FAM3C: variants seen among roughly 807,000 people sequenced by gnomAD.
FAM3C encodes protein FAM3C.
A neutral mutation model predicts 32.5 loss-of-function variants in FAM3C; 15 were observed. The ratio of observed to expected loss-of-function variants is 0.46; its 90% confidence interval spans 0.31 to 0.71. The LOEUF (loss-of-function observed/expected upper bound fraction) is 0.71. FAM3C is among the 30% of genes least tolerant of loss of function. FAM3C has a pLI of 0.05. For missense variants in FAM3C, 175 were observed against 274.4 expected (o/e 0.64, Z 2.56); for synonymous variants, 75 against 86.1 (o/e 0.87, Z 0.72).
intron 1 of FAM3C, among the ~76,000 whole-genome samples, chr7:121,388,355 TC>T (rs1315863588): frequency 6.6e-6 from 1 of 151,508 alleles, no homozygotes; most frequent in Non-Finnish European, 1.5e-5. Flanking sequence ...TAGAAAAGTA[TC>T]CCAGATTTTT....
chr7:121,371,435 A>G lies in FAM3C; in HGVS notation c.149-12T>C. The G allele has an allele frequency of 6.2e-7, 1 of 1,612,694 alleles. No individual in the cohort carries two copies. The highest frequency in any genetic ancestry group is 1.1e-5 in the South Asian group (1 of 90,980). ...GGGAGGCTTTGTAGCTTTGGGGGAG[A>G]AAACATGATGTCTTTTTTTAGAAAA... On this transcript the variant is annotated splice_polypyrimidine_tract_variant and intron_variant, in intron 4 of 9. Transcript: ENST00000359943.
intron 1 of FAM3C, among the ~76,000 whole-genome samples, chr7:121,383,662 G>C (rs879871768): frequency 1.3e-5 from 2 of 152,124 alleles, no homozygotes; most frequent in African/African-American, 4.8e-5. Flanking sequence ...TGGATCAACT[G>C]TTCTTTGATA....
At chr7:121,389,683 T>C (rs1019334930) in intron 1 of FAM3C, among the ~76,000 whole-genome samples, 2 of 151,676 alleles carry the variant, frequency 1.3e-5, no homozygotes, top group Admixed American at 6.6e-5. Flanking sequence ...CAGTACAAGA[T>C]GCTATGCGGC....
chr7:121,392,539 T>C (rs1794598925), intron 1 of FAM3C, among the ~76,000 whole-genome samples: 1 of 152,050 alleles, frequency 6.6e-6, no homozygotes, highest in African/African-American at 2.4e-5. Context: ...GAGATTTGAG[T>C]GGGGACGCAG....
chr7:121,373,077 G>C (rs1052543873), intron 3 of FAM3C, among the ~76,000 whole-genome samples: 8 of 152,048 alleles, frequency 5.3e-5, no homozygotes, highest in Non-Finnish European at 8.8e-5. Flanking sequence ...CATTGAAAAA[G>C]CTTAATGCCC....
At chr7:121,394,231 A>G (rs1460587688) in intron 1 of FAM3C, among the ~76,000 whole-genome samples, 1 of 152,222 alleles carries the variant, frequency 6.6e-6, no homozygotes, top group Non-Finnish European at 1.5e-5. Context: ...AAAATATATG[A>G]GTCTTCTGAT....
At chr7:121,379,562 C>T (rs1794309440) in intron 2 of FAM3C, among the ~76,000 whole-genome samples, 3 of 152,104 alleles carry the variant, frequency 2.0e-5, no homozygotes, top group African/African-American at 7.2e-5. Flanking sequence ...CCTCTTCATA[C>T]TTAATACCTT....
At chr7:121,389,425 AC>A (rs1243670003) in intron 1 of FAM3C, among the ~76,000 whole-genome samples, 1 of 152,166 alleles carries the variant, frequency 6.6e-6, no homozygotes, top group African/African-American at 2.4e-5. Context: ...TGGCTAGGCA[AC>A]TTTTTCCTAA....
intron 1 of FAM3C, among the ~76,000 whole-genome samples, chr7:121,387,483 T>C (rs1794488452): frequency 6.6e-6 from 1 of 152,128 alleles, no homozygotes. Flanking sequence ...GCTCCACACG[T>C]GTTCATCAAA....
In FAM3C at chr7:121,349,201, A is replaced by G. The variant is rs1793647817; in HGVS notation, c.*1260T>C. The G allele has an allele frequency of 1.3e-5, 2 of 152,572 alleles. No individual in the cohort carries two copies. Among genetic ancestry groups the G allele is most frequent in the Non-Finnish European group, 1.5e-5 (1 of 68,006 alleles). The allele number at this position is 152,572 out of a possible 1,614,324, so 9.5% of individuals were successfully genotyped here. A position where few individuals can be genotyped will look rare whatever the true frequency, so the allele number is the denominator to read the frequency against. On this transcript the variant is annotated 3_prime_UTR_variant, in exon 10 of 10. Transcript: ENST00000359943. ...ACAGATACTGCTTTTAGGTTTTTTT[A>G]TACAATGCATCTAAACTTTAGGTTC...
chr7:121,392,708 A>C (rs1794601988), intron 1 of FAM3C, among the ~76,000 whole-genome samples: 1 of 152,258 alleles, frequency 6.6e-6, no homozygotes, highest in Non-Finnish European at 1.5e-5. Flanking sequence ...CAAGCCTTGT[A>C]GAGATTATGA....
chr7:121,362,809 T>C (rs1793951860), intron 7 of FAM3C, 88 bp downstream of exon 7: 1 of 735,360 alleles, frequency 1.4e-6, no homozygotes, highest in Admixed American at 2.4e-5. Context: ...GCAAATAGCA[T>C]CATCATTCTC....
At chr7:121,356,576 G>A (rs188741068) in intron 8 of FAM3C, among the ~76,000 whole-genome samples, 1 of 152,256 alleles carries the variant, frequency 6.6e-6, no homozygotes, top group African/African-American at 2.4e-5. Flanking sequence ...TTCAAATGGA[G>A]AAATGAAAGG....
In FAM3C at chr7:121,384,497, C is replaced by A. The variant is rs569939069; in HGVS notation, c.-41-1487G>T. 4.6e-5 allele frequency among the ~76,000 whole-genome samples: 7 copies of A among 152,292 alleles called. No individual in the cohort carries two copies. The South Asian group carries it at 1.5e-3, about 32-fold the overall frequency. ...TTTTCCAAAATAACTTCACTCTTAT[C>A]TGAGTGTGACCTAGGAAAATTTCTT... On this transcript the variant is annotated intron_variant, in intron 1 of 9. Coordinates refer to ENST00000359943, the MANE Select transcript of FAM3C (RefSeq NM_014888.3).
chr7:121,386,183 C>T (rs141155766), intron 1 of FAM3C, among the ~76,000 whole-genome samples: 7 of 152,086 alleles, frequency 4.6e-5, no homozygotes, highest in Admixed American at 1.3e-4. Flanking sequence ...GAAAATTAAA[C>T]GTACAAATAC....
intron 2 of FAM3C, among the ~76,000 whole-genome samples, chr7:121,381,080 C>G (rs1163005261): frequency 3.3e-5 from 5 of 152,082 alleles, no homozygotes; most frequent in Non-Finnish European, 5.9e-5. Flanking sequence ...AGATCGCCCC[C>G]AAAGCTGGCC....
At chr7:121,362,859 T>C (rs1793953071) in intron 7 of FAM3C, 38 bp downstream of exon 7, 2 of 1,197,886 alleles carry the variant, frequency 1.7e-6, no homozygotes, top group African/African-American at 1.5e-5. Context: ...ATTAAGTCAG[T>C]GCCAGCAAAA....
intron 1 of FAM3C, among the ~76,000 whole-genome samples, chr7:121,387,243 C>T (rs1169951335): frequency 6.6e-6 from 1 of 151,744 alleles, no homozygotes; most frequent in Non-Finnish European, 1.5e-5. Flanking sequence ...CCAGTTTTGG[C>T]TTGTGGGCCA....
At chr7:121,370,842 C>T (rs1794131068) in intron 5 of FAM3C, among the ~76,000 whole-genome samples, 1 of 152,180 alleles carries the variant, frequency 6.6e-6, no homozygotes, top group Non-Finnish European at 1.5e-5. Context: ...GGATTTCTGC[C>T]ACGATGAAAA....
Sources: gnomAD v4.1 joint callset for allele counts (sites outside exome capture counted in the v4.1 genomes callset) on GRCh38, gnomAD v4.1.1 for gene constraint, MANE v1.5 for transcripts, NCBI Gene and HGNC (gene_info 2026-07-23, HGNC 2026-07-21) for gene names.